Variants in FOXP2 observed in about 807,000 individuals in gnomAD.
FOXP2 encodes the protein forkhead box protein P2.
A neutral mutation model predicts 115.8 loss-of-function variants in FOXP2; 12 were observed. That is an observed-to-expected ratio of 0.10 (90% CI 0.07 to 0.17). FOXP2 has a LOEUF of 0.17. Among genes scored for constraint, FOXP2 ranks in the 10% least tolerant of loss-of-function variants. The pLI is 1.00. For missense variants in FOXP2, 629 were observed against 843.5 expected (o/e 0.75, Z 3.15); for synonymous variants, 328 against 297.7 (o/e 1.10, Z -1.05).
chr7:114,150,798 T>C (rs1792510278), intron 1 of FOXP2, among the ~76,000 whole-genome samples: 1 of 152,020 alleles, frequency 6.6e-6, no homozygotes, highest in Admixed American at 6.6e-5. Flanking sequence ...GGCTGAACTA[T>C]GTGTTTCTAG....
intron 1 of FOXP2, among the ~76,000 whole-genome samples, chr7:114,143,127 G>C (rs1022840092): frequency 6.7e-6 from 1 of 148,410 alleles, no homozygotes; most frequent in African/African-American, 2.5e-5. Context: ...CAGCCTGGGG[G>C]ACAGAGCAAG....
At chr7:114,179,345 T>C (rs1793397614) in intron 1 of FOXP2, among the ~76,000 whole-genome samples, 1 of 151,998 alleles carries the variant, frequency 6.6e-6, no homozygotes, top group Non-Finnish European at 1.5e-5. Context: ...GTGTATTGTT[T>C]ATATGCAGAT....
At chr7:114,542,794 GTTTT>G (rs201884118) in intron 3 of FOXP2, among the ~76,000 whole-genome samples, 1 of 138,940 alleles carries the variant, frequency 7.2e-6, no homozygotes, top group Non-Finnish European at 1.6e-5. Context: ...TTTGTTTTTT[GTTTT>G]TTTTTTTTTT....
At chr7:114,396,324 C>T (rs2129195470) in intron 2 of FOXP2, among the ~76,000 whole-genome samples, 1 of 152,164 alleles carries the variant, frequency 6.6e-6, no homozygotes, top group East Asian at 1.9e-4. Flanking sequence ...CAGTTCCATC[C>T]ATGTTGTTGC....
intron 2 of FOXP2, among the ~76,000 whole-genome samples, chr7:114,510,905 C>T (rs181050879): frequency 5.0e-4 from 76 of 152,196 alleles, no homozygotes; most frequent in African/African-American, 1.5e-3. Context: ...CACATGCACA[C>T]GTATGTTTAT....
intron 1 of FOXP2, among the ~76,000 whole-genome samples, chr7:114,241,635 G>T (rs1795154724): frequency 6.6e-6 from 1 of 151,866 alleles, no homozygotes; most frequent in African/African-American, 2.4e-5. Flanking sequence ...AAAAATGTGT[G>T]AAAATATGTG....
At chr7:114,124,891 TTACTC>T (rs1291212427) in intron 1 of FOXP2, among the ~76,000 whole-genome samples, 1 of 152,090 alleles carries the variant, frequency 6.6e-6, no homozygotes, top group Admixed American at 6.6e-5. Flanking sequence ...CAATTCATGA[TTACTC>T]TAATCCTCAC....
intron 3 of FOXP2, among the ~76,000 whole-genome samples, chr7:114,580,193 G>A (rs1032446618): frequency 2.0e-5 from 3 of 152,154 alleles, no homozygotes; most frequent in Non-Finnish European, 4.4e-5. Flanking sequence ...AAAAATATTG[G>A]AGTCTATGTG....
chr7:114,472,312 G>T (rs1796085727), intron 2 of FOXP2, among the ~76,000 whole-genome samples: 3 of 151,412 alleles, frequency 2.0e-5, no homozygotes, highest in Non-Finnish European at 2.9e-5. Context: ...TTATTAAAAG[G>T]TGAATCTTTA....
chr7:114,507,828 T>G (rs1349467726), intron 2 of FOXP2, among the ~76,000 whole-genome samples: 1 of 151,896 alleles, frequency 6.6e-6, no homozygotes, highest in Non-Finnish European at 1.5e-5. Context: ...GAGAAATTAG[T>G]TTTTACCAGT....
intron 10 of FOXP2, chr7:114,656,299 A>C (rs1806584113): frequency 4.9e-6 from 1 of 204,732 alleles, no homozygotes; most frequent in Non-Finnish European, 1.0e-5. Context: ...GTGAATATGT[A>C]ACCATCCAGC....
At chr7:114,215,970 A>C (rs1267102686) in intron 1 of FOXP2, among the ~76,000 whole-genome samples, 1 of 152,186 alleles carries the variant, frequency 6.6e-6, no homozygotes, top group Non-Finnish European at 1.5e-5. Flanking sequence ...TCACCTCTAA[A>C]TTAGACATTA....
intron 3 of FOXP2, among the ~76,000 whole-genome samples, chr7:114,541,287 A>C (rs1329694117): frequency 6.6e-6 from 1 of 151,964 alleles, no homozygotes; most frequent in Non-Finnish European, 1.5e-5. Context: ...GAGATTTCTG[A>C]AAAAGGTAAT....
At chr7:114,559,425 T>C (rs763106278) in intron 3 of FOXP2, among the ~76,000 whole-genome samples, 5 of 152,170 alleles carry the variant, frequency 3.3e-5, no homozygotes, top group East Asian at 1.9e-4. Context: ...CTTTCTGTTA[T>C]TGGCTTCTCT....
intron 2 of FOXP2, among the ~76,000 whole-genome samples, chr7:114,427,000 A>C (rs549565017): frequency 1.3e-5 from 2 of 151,744 alleles, no homozygotes; most frequent in South Asian, 4.1e-4. Context: ...AGAACGTGAT[A>C]CTTAGTTTTC....
At chr7:114,296,655 A>T (rs1188401251) in intron 2 of FOXP2, among the ~76,000 whole-genome samples, 1 of 152,210 alleles carries the variant, frequency 6.6e-6, no homozygotes, top group Admixed American at 6.5e-5. Flanking sequence ...TAATGCCGCA[A>T]TAACATATAT....
At chr7:114,406,372 A>C (rs1793037624) in intron 2 of FOXP2, among the ~76,000 whole-genome samples, 1 of 151,974 alleles carries the variant, frequency 6.6e-6, no homozygotes, top group African/African-American at 2.4e-5. Flanking sequence ...AGCTCAACTC[A>C]AAGTACAGGT....
At chr7:114,615,542 C>T (rs1803894045) in intron 3 of FOXP2, among the ~76,000 whole-genome samples, 1 of 152,184 alleles carries the variant, frequency 6.6e-6, no homozygotes, top group Non-Finnish European at 1.5e-5. Context: ...ATACCATTCT[C>T]CCAGTTTCCA....
chr7:114,599,183 T>C (rs1802886523), intron 3 of FOXP2, among the ~76,000 whole-genome samples: 1 of 152,120 alleles, frequency 6.6e-6, no homozygotes, highest in African/African-American at 2.4e-5. Flanking sequence ...TATATTTCTT[T>C]ATTCAGTATG....
Sources: allele counts gnomAD v4.1 joint callset (sites outside exome capture counted in the v4.1 genomes callset), GRCh38; gene constraint gnomAD v4.1.1; transcripts MANE v1.5; gene names NCBI Gene and HGNC (gene_info 2026-07-23, HGNC 2026-07-21).